Variants in INTS2 observed in about 807,000 individuals in gnomAD.
INTS2 encodes integrator complex subunit 2, also known as KIAA1287.
Under a neutral mutation model 139.6 loss-of-function variants are expected in INTS2, and 57 were observed. The ratio of observed to expected loss-of-function variants is 0.41; its 90% CI spans 0.33 to 0.51. The LOEUF is 0.51. INTS2 is among the 20% of genes least tolerant of loss of function. The pLI is 0.28. For synonymous variants in INTS2, 473 were observed against 493.4 expected (o/e 0.96, Z 0.55); for missense variants, 1,196 against 1,436.7 (o/e 0.83, Z 2.71).
chr17:61,908,038 G>C (rs553503590), intron 7 of INTS2, among the ~76,000 whole-genome samples: 11 of 152,254 alleles, frequency 7.2e-5, no homozygotes, highest in African/African-American at 2.6e-4. Context: ...ACATTGGTTA[G>C]CCTCTCTGAA....
At chr17:61,913,342 CA>C (rs1193483740) in intron 5 of INTS2, among the ~76,000 whole-genome samples, 8 of 48,574 alleles carry the variant, frequency 1.6e-4, no homozygotes, top group Non-Finnish European at 1.3e-4. Flanking sequence ...CTCCGTCTCC[CA>C]AAAAAAAAAC....
intron 8 of INTS2, among the ~76,000 whole-genome samples, chr17:61,906,879 G>C (rs369795873): frequency 7.5e-6 from 1 of 134,148 alleles, no homozygotes; most frequent in Admixed American, 8.5e-5. Context: ...CAGGAGAATC[G>C]CTTGAATCCG....
chr17:61,927,953 T>A lies in INTS2; in HGVS notation c.-318A>T. 6.2e-7 allele frequency: 1 copy of A among 1,613,930 alleles called. No individual in the cohort carries two copies. Among genetic ancestry groups the A allele is most frequent in the Non-Finnish European group, 8.5e-7 (1 of 1,179,886 alleles). ...CCAGCACCTTCATTCATCCCCAGCG[T>A]CTGACTCCCGTCGGCCACCGTACTG... On this transcript the variant is annotated 5_prime_UTR_variant, in exon 1 of 25. Transcript: ENST00000251334.
chr17:61,926,793 C>T (rs1437477965), intron 1 of INTS2, 131 bp from the exon 2 acceptor site: 1 of 730,778 alleles, frequency 1.4e-6, no homozygotes, highest in African/African-American at 1.8e-5. Flanking sequence ...CTGGCACAAT[C>T]AAGACAAGGC....
chr17:61,908,242 C>T (rs983834017), intron 7 of INTS2, among the ~76,000 whole-genome samples: 12 of 152,054 alleles, frequency 7.9e-5, no homozygotes, highest in Admixed American at 3.9e-4. Flanking sequence ...TGGTGAAACC[C>T]CATCTCTACT....
intron 3 of INTS2, among the ~76,000 whole-genome samples, chr17:61,923,294 G>A (rs1284631744): frequency 6.6e-6 from 1 of 150,702 alleles, no homozygotes; most frequent in Non-Finnish European, 1.5e-5. Flanking sequence ...TGGCTAACAC[G>A]GTGAAACCCC....
chr17:61,915,273 G>T (rs1749792917), intron 5 of INTS2, among the ~76,000 whole-genome samples: 1 of 151,514 alleles, frequency 6.6e-6, no homozygotes, highest in Non-Finnish European at 1.5e-5. Context: ...GGGAGGCAGA[G>T]GTTGCAGTGA....
rs796908139 is a variant in INTS2 at position 61,865,661 on chromosome 17, C to T, written c.*1896G>A. ...AAACATACTTTTAACTTTTTCTGAACTCCTAGGGCATATCTATTCACACAA... is the reference window on the plus strand; with the variant it reads ...AAACATACTTTTAACTTTTTCTGAATTCCTAGGGCATATCTATTCACACAA... On this transcript the variant is annotated 3_prime_UTR_variant, in exon 25 of 25. Transcript: ENST00000251334. This position sits in a 1 kb window ranked among gnomAD's most constrained non-coding sequence, Gnocchi z 4.8. 1.4e-4 allele frequency: 22 copies of T among 152,334 alleles called. No homozygotes were observed. The highest frequency in any genetic ancestry group is 5.3e-4 in the African/African-American group (22 of 41,456). The allele number at this position is 152,334 out of a possible 1,614,324, so 9.4% of individuals were successfully genotyped here. A position where few individuals can be genotyped will look rare whatever the true frequency, so the allele number is the denominator to read the frequency against.
intron 3 of INTS2, among the ~76,000 whole-genome samples, chr17:61,922,511 CATATATATATATAT>C (rs60100593): frequency 0.22 from 16,272 of 73,266 alleles, 2,192 homozygotes; most frequent in Admixed American, 0.42. Flanking sequence ...AACAAACAAA[CATATATATATATAT>C]ATATATATAT....
At chr17:61,880,476 G>C (rs963828890) in intron 17 of INTS2, among the ~76,000 whole-genome samples, 1 of 152,142 alleles carries the variant, frequency 6.6e-6, no homozygotes, top group Non-Finnish European at 1.5e-5. Flanking sequence ...TTCCTGGCCA[G>C]GCACAGTGGC....
At chr17:61,914,334 A>C (rs1001512347) in intron 5 of INTS2, among the ~76,000 whole-genome samples, 6 of 152,180 alleles carry the variant, frequency 3.9e-5, no homozygotes, top group African/African-American at 9.6e-5. Context: ...AGGCAAGCGG[A>C]CCACTTTAGC....
At chr17:61,899,426 AT>A (rs2079382543) in intron 9 of INTS2, among the ~76,000 whole-genome samples, 1 of 151,786 alleles carries the variant, frequency 6.6e-6, no homozygotes, top group Non-Finnish European at 1.5e-5. Flanking sequence ...AATTTTTTAT[AT>A]TTTTAGTAGA....
chr17:61,869,246 G>A lies in INTS2; in HGVS notation c.3138+27C>T. The A allele has an allele frequency of 4.0e-6, 6 of 1,517,700 alleles. No individual in the cohort carries two copies. The highest frequency in any genetic ancestry group is 5.5e-6 in the Non-Finnish European group (6 of 1,099,902). The allele number at this position is 1,517,700 out of a possible 1,614,324, so 94.0% of individuals were successfully genotyped here. ...GTAAGACTGGAGAGAGAGATCAATT[G>A]TCCTAAAGCTCCAAAATGCTCATTA... On this transcript the variant is annotated intron_variant, in intron 22 of 24. Transcript: ENST00000251334. The surrounding 1 kb of genome is among the most constrained non-coding windows in gnomAD (Gnocchi z 5.4).
chr17:61,902,870 A>C (rs889898715), intron 9 of INTS2, among the ~76,000 whole-genome samples: 14 of 151,374 alleles, frequency 9.2e-5, no homozygotes, highest in African/African-American at 3.4e-4. Flanking sequence ...AAAAAAAAAA[A>C]AAAAAAAAAA....
rs1197473910 is a variant in INTS2, at chr17:61,896,239, C to CAA, written c.1495-858_1495-857dup. On this transcript the variant is annotated intron_variant, in intron 11 of 24. Coordinates refer to ENST00000251334, the MANE Select transcript of INTS2 (RefSeq NM_001351695.2). Reference sequence around the variant, plus strand: ...TGGGCGACAGAGCAAGACTCCATCTCAAAAAAAAAAAACAAAAAAAAAACA... The same window carrying CAA: ...TGGGCGACAGAGCAAGACTCCATCTCAAAAAAAAAAAAAACAAAAAAAAAACA... 4.0e-3 allele frequency among the ~76,000 whole-genome samples: 176 copies of CAA among 43,976 alleles called. 5 individuals carry two copies. The highest frequency in any genetic ancestry group is 0.019 in the East Asian group (19 of 982). 28.8% of individuals were successfully genotyped at this position (43,976 alleles called of 152,430 possible).
rs1408490726 is a variant in INTS2, at chr17:61,897,385, T to A, written c.1494+84A>T. The A allele has an allele frequency of 9.3e-6, 7 of 749,246 alleles. No homozygotes were observed. The highest frequency in any genetic ancestry group is 1.3e-5 in the Non-Finnish European group (6 of 479,864). The allele number at this position is 749,246 out of a possible 1,614,324, so 46.4% of individuals were successfully genotyped here. On this transcript the variant is annotated intron_variant, in intron 11 of 24. Transcript: ENST00000251334. The surrounding 1 kb of genome is among the most constrained non-coding windows in gnomAD (Gnocchi z 4.4). ...TATTAAACAATTAAAATTACTTAAA[T>A]GAAAACAATCTATTTACACTACAAC... is the stretch of plus-strand genomic sequence containing the variant.
intron 9 of INTS2, among the ~76,000 whole-genome samples, chr17:61,899,344 G>A (rs1349583992): frequency 5.3e-5 from 8 of 152,046 alleles, no homozygotes; most frequent in East Asian, 1.9e-4. Flanking sequence ...TCCACCTCCC[G>A]GATTCAAGAG....
rs763954723 is a variant in INTS2, at chr17:61,869,718, T to C, written c.3030+19A>G. On this transcript the variant is annotated intron_variant, in intron 21 of 24. Transcript: ENST00000251334. This position sits in a 1 kb window ranked among gnomAD's most constrained non-coding sequence, Gnocchi z 5.4. ...AAAAATAAAGTTCAAACACAAAGCA[T>C]CATTCTTTGGAAACAGACCTGAAAG... 6.2e-7 allele frequency: 1 copy of C among 1,609,594 alleles called. No homozygotes were observed. Among genetic ancestry groups the C allele is most frequent in the Middle Eastern group, 1.7e-4 (1 of 6,040 alleles).
At position 61,924,956 on chromosome 17, in the gene INTS2, T is replaced by C. The variant is rs61751979; in HGVS notation, c.432+5A>G. 7,955 of 1,610,680 alleles carry C rather than the reference T, an allele frequency of 4.9e-3. 19 individuals are homozygous for C. Among genetic ancestry groups the C allele is most frequent in the Non-Finnish European group, 6.2e-3 (7,252 of 1,178,334 alleles). On this transcript the variant is annotated splice_donor_5th_base_variant and intron_variant, in intron 3 of 24. Transcript: ENST00000251334. ...TACTTTGAGCTGTGGTTAAAAGAAA[T>C]GCACCTTGTTCATAATTGCCAACAG... is the stretch of plus-strand genomic sequence containing the variant.
Sources: allele counts gnomAD v4.1 joint callset (sites outside exome capture counted in the v4.1 genomes callset), GRCh38; gene constraint gnomAD v4.1.1; non-coding constraint Gnocchi (gnomAD v3.1); transcripts MANE v1.5; gene names NCBI Gene and HGNC (gene_info 2026-07-23, HGNC 2026-07-21).